EPHB1: variants seen among roughly 807,000 people sequenced by gnomAD.
EPHB1 encodes ephrin type-B receptor 1.
Under a neutral mutation model 94.4 loss-of-function variants are expected in EPHB1, and 30 were observed. That is an observed-to-expected ratio of 0.32 (90% CI 0.24 to 0.43). The LOEUF (loss-of-function observed/expected upper bound fraction) is 0.43. EPHB1 is among the 20% of genes least tolerant of loss of function. The probability of loss-of-function intolerance (pLI) is 1.00; values close to 1 mark genes in which losing one functional copy is unlikely to be tolerated. For missense variants in EPHB1, 1,055 were observed against 1,308.3 expected, an observed-to-expected ratio of 0.81 and a Z score of 2.99; for synonymous variants, 522 against 489.1, an observed-to-expected ratio of 1.07 and a Z score of -0.89.
At chr3:134,861,861 T>A (rs1403797757) in intron 1 of EPHB1, among the ~76,000 whole-genome samples, 4 of 151,960 alleles carry the variant, frequency 2.6e-5, no homozygotes, top group Non-Finnish European at 5.9e-5. Flanking sequence ...TTCACATGTA[T>A]CCTGGAACTT....
intron 1 of EPHB1, among the ~76,000 whole-genome samples, chr3:134,859,839 C>G (rs575409336): frequency 6.6e-6 from 1 of 152,034 alleles, no homozygotes; most frequent in South Asian, 2.1e-4. Flanking sequence ...CAAATTTATA[C>G]GGCCGCAATC....
intron 9 of EPHB1, among the ~76,000 whole-genome samples, chr3:135,175,901 T>A (rs879592866): frequency 9.2e-5 from 14 of 152,208 alleles, no homozygotes; most frequent in Non-Finnish European, 1.9e-4. Flanking sequence ...GTCTGATGAT[T>A]CATTGCACTA....
At chr3:134,988,024 G>T (rs1934663256) in intron 3 of EPHB1, among the ~76,000 whole-genome samples, 1 of 152,126 alleles carries the variant, frequency 6.6e-6, no homozygotes, top group Non-Finnish European at 1.5e-5. Context: ...TGCTAAAGAG[G>T]ACCTTGAATC....
At chr3:135,025,106 C>G (rs1035271767) in intron 3 of EPHB1, among the ~76,000 whole-genome samples, 1 of 115,152 alleles carries the variant, frequency 8.7e-6, no homozygotes, top group Admixed American at 1.0e-4. Flanking sequence ...TCCTTCCCTC[C>G]CTCCCTCCCT....
intron 2 of EPHB1, among the ~76,000 whole-genome samples, chr3:134,933,274 C>G (rs997433863): frequency 2.0e-5 from 3 of 152,168 alleles, no homozygotes; most frequent in Non-Finnish European, 4.4e-5. Flanking sequence ...GCCCCTATAG[C>G]CTTTTTCATC....
chr3:135,021,471 C>T (rs10935150), intron 3 of EPHB1, among the ~76,000 whole-genome samples: 38,644 of 151,784 alleles, frequency 0.25, 6,413 homozygotes, highest in East Asian at 0.71. Context: ...ATTTCTAAAA[C>T]TGGTTATTTC....
rs552447504 is a variant in EPHB1, at chr3:135,005,503, G to C, written c.805+53451G>C. ...GGCTCCACCCAGTTAGAGCTTCCTG[G>C]CTGCTTTGTTTACCTAAGCAAGCCT... is the stretch of plus-strand genomic sequence containing the variant. On this transcript the variant is annotated intron_variant, in intron 3 of 15. Coordinates refer to ENST00000398015, the MANE Select transcript of EPHB1 (RefSeq NM_004441.5). 1.2e-3 allele frequency among the ~76,000 whole-genome samples: 188 copies of C among 152,320 alleles called. 2 individuals are homozygous for C. The highest frequency in any genetic ancestry group is 4.4e-3 in the African/African-American group (183 of 41,572).
chr3:135,111,188 T>C (rs12496650), intron 4 of EPHB1, among the ~76,000 whole-genome samples: 6,800 of 152,236 alleles, frequency 0.045, 215 homozygotes, highest in South Asian at 0.15. Context: ...GATGGTTTCC[T>C]TTAGGTCAGT....
chr3:135,039,535 G>T (rs1369777677), intron 3 of EPHB1, among the ~76,000 whole-genome samples: 2 of 152,240 alleles, frequency 1.3e-5, no homozygotes, highest in Non-Finnish European at 1.5e-5. Context: ...TGGGTGGGAG[G>T]CTCAGGCATG....
intron 1 of EPHB1, among the ~76,000 whole-genome samples, chr3:134,833,581 T>C (rs1474358132): frequency 6.6e-6 from 1 of 152,182 alleles, no homozygotes; most frequent in Non-Finnish European, 1.5e-5. Flanking sequence ...TCTTGGGAGA[T>C]AAGAGCAGAG....
Position 134,987,850 on chromosome 3 carries a change from C to T in EPHB1, c.805+35798C>T, listed in dbSNP as rs1934657059. On this transcript the variant is annotated intron_variant, in intron 3 of 15. Transcript: ENST00000398015. ...ATCTGCAAACCAAGGACGGAGGCTT[C>T]ACCAGAAAACAGCCCTGCTGATACC... Among the ~76,000 whole-genome samples the T allele has an allele frequency of 2.0e-5, 3 of 152,092 alleles. No individual in the cohort carries two copies. The South Asian group carries it at 6.2e-4, about 32-fold the overall frequency.
chr3:134,999,815 T>C (rs1332655863), intron 3 of EPHB1, among the ~76,000 whole-genome samples: 1 of 152,194 alleles, frequency 6.6e-6, no homozygotes, highest in Non-Finnish European at 1.5e-5. Context: ...GTGGTAACAT[T>C]GACTGGCTTT....
At chr3:135,245,199 C>G (rs1192625892) in intron 13 of EPHB1, among the ~76,000 whole-genome samples, 2 of 152,192 alleles carry the variant, frequency 1.3e-5, no homozygotes, top group Non-Finnish European at 2.9e-5. Flanking sequence ...CATCCTACTA[C>G]TCATCTGCGC....
chr3:135,068,710 G>A (rs558000176), intron 3 of EPHB1, among the ~76,000 whole-genome samples: 8 of 150,984 alleles, frequency 5.3e-5, no homozygotes, highest in East Asian at 2.0e-4. Context: ...GTGCAGTGGC[G>A]CAATCTCTGC....
intron 1 of EPHB1, among the ~76,000 whole-genome samples, chr3:134,844,973 C>T (rs1488575949): frequency 2.6e-5 from 4 of 152,198 alleles, no homozygotes; most frequent in Non-Finnish European, 5.9e-5. Flanking sequence ...CCACCTGAAT[C>T]CACTTCAGAT....
At chr3:135,154,097 C>T in intron 5 of EPHB1, 55 bp from the exon 6 acceptor site, 2 of 1,608,350 alleles carry the variant, frequency 1.2e-6, no homozygotes, top group Non-Finnish European at 1.7e-6. Flanking sequence ...GAAGATGGCC[C>T]TTCCCCTATA....
rs751754359 is a variant in EPHB1 at position 135,166,040 on chromosome 3, T to C, written c.1658T>C (p.Val553Ala). Residue 553 changes from valine to alanine, a missense_variant, in exon 8 of 16, where the codon GTT (valine) becomes GCT (alanine). Coordinates refer to ENST00000398015, the MANE Select transcript of EPHB1 (RefSeq NM_004441.5). Reference sequence around the variant, plus strand: ...TCGGCAGCGGCCGGGGTCGTGTTCGTTGTGTCCTTGGTGGCCATCTCTATC... The same window carrying C: ...TCGGCAGCGGCCGGGGTCGTGTTCGCTGTGTCCTTGGTGGCCATCTCTATC... ...AGSAAAGVVF[V>A]VSLVAISIVC... The C allele has an allele frequency of 6.2e-7, 1 of 1,613,892 alleles. No individual in the cohort carries two copies. Among genetic ancestry groups the C allele is most frequent in the Non-Finnish European group, 8.5e-7 (1 of 1,179,848 alleles).
At chr3:135,097,790 T>G (rs1938860084) in intron 3 of EPHB1, among the ~76,000 whole-genome samples, 1 of 152,230 alleles carries the variant, frequency 6.6e-6, no homozygotes. Flanking sequence ...GAGACTCATT[T>G]GGCTCCAAGT....
At position 134,972,556 on chromosome 3, in the gene EPHB1, ATATAT is replaced by A. The variant is rs367782365; in HGVS notation, c.805+20510_805+20514del. 4.4e-3 allele frequency among the ~76,000 whole-genome samples: 631 copies of A among 144,656 alleles called. 2 individuals are homozygous for A. Among genetic ancestry groups the A allele is most frequent in the African/African-American group, 0.015 (594 of 39,566 alleles). 94.9% of individuals were successfully genotyped at this position (144,656 alleles called of 152,430 possible). Reference sequence around the variant, plus strand: ...AAATATATATTATTATATATTATAAATATATTATATATTAAATATATATAATGTAT... The same window carrying A: ...AAATATATATTATTATATATTATAAATATATATTAAATATATATAATGTAT... On this transcript the variant is annotated intron_variant, in intron 3 of 15. Transcript: ENST00000398015.
Sources: gnomAD v4.1 joint callset for allele counts (sites outside exome capture counted in the v4.1 genomes callset) on GRCh38, gnomAD v4.1.1 for gene constraint, MANE v1.5 for transcripts, NCBI Gene and HGNC (gene_info 2026-07-23, HGNC 2026-07-21) for gene names.